Variants in ROCK1 observed in about 807,000 individuals in gnomAD.
ROCK1 encodes the protein Rho associated coiled-coil containing protein kinase 1, also known as rho-associated protein kinase 1.
A neutral mutation model predicts 196.8 loss-of-function variants in ROCK1; 36 were observed. The observed-to-expected ratio is 0.18, with a 90% confidence interval of 0.14 to 0.24. The LOEUF is 0.24. Ranked by LOEUF, ROCK1 falls within the 10% of genes least tolerant of loss-of-function variation. The pLI is 1.00. For missense variants in ROCK1, 920 were observed against 1,562.0 expected, an observed-to-expected ratio of 0.59 and a Z score of 6.93; for synonymous variants, 443 against 515.9, an observed-to-expected ratio of 0.86 and a Z score of 1.91.
rs190894404 is a variant in ROCK1, at chr18:20,973,523, C to T, written c.2655-3010G>A. Among the ~76,000 whole-genome samples the T allele has an allele frequency of 1.9e-3, 290 of 152,168 alleles. 1 individual carries two copies. Among genetic ancestry groups the T allele is most frequent in the African/African-American group, 6.5e-3 (271 of 41,530 alleles). On this transcript the variant is annotated intron_variant, in intron 22 of 32. Coordinates refer to ENST00000399799, the MANE Select transcript of ROCK1 (RefSeq NM_005406.3). The stretch of plus-strand genomic sequence containing the variant: ...GAACTCTTGACCCAAGTGATCCACC[C>T]ACCTGGGCCTCCCAAATTGCTGGGA...
chr18:21,076,420 C>G (rs776358033), intron 1 of ROCK1, among the ~76,000 whole-genome samples: 1 of 152,186 alleles, frequency 6.6e-6, no homozygotes, highest in Non-Finnish European at 1.5e-5. Context: ...AGGAGAATCA[C>G]TTGAACCCAG....
intron 1 of ROCK1, among the ~76,000 whole-genome samples, chr18:21,078,708 CT>C (rs2036457118): frequency 6.6e-6 from 1 of 152,156 alleles, no homozygotes; most frequent in Non-Finnish European, 1.5e-5. Flanking sequence ...TTAAAATGCC[CT>C]GACTGACCAC....
At chr18:21,024,753 C>T (rs1353353656) in intron 10 of ROCK1, among the ~76,000 whole-genome samples, 1 of 152,184 alleles carries the variant, frequency 6.6e-6, no homozygotes, top group Non-Finnish European at 1.5e-5. Flanking sequence ...TATGCCACTT[C>T]CTAGGTTTTC....
intron 1 of ROCK1, among the ~76,000 whole-genome samples, chr18:21,110,268 G>GT (rs2036739048): frequency 6.6e-6 from 1 of 152,078 alleles, no homozygotes; most frequent in South Asian, 2.1e-4. Context: ...AATTATCTTG[G>GT]TTTTTTACAA....
chr18:20,958,861 AAT>A lies in ROCK1; in HGVS notation c.3512+977_3512+978del, dbSNP rs1260909234. Among the ~76,000 whole-genome samples, 259 of 120,808 alleles carry A rather than the reference AAT, an allele frequency of 2.1e-3. 3 individuals carry two copies. The highest frequency in any genetic ancestry group is 2.6e-3 in the Non-Finnish European group (158 of 60,914). The allele number at this position is 120,808 out of a possible 152,430, so 79.3% of individuals were successfully genotyped here. A position where few individuals can be genotyped will look rare whatever the true frequency, so the allele number is the denominator to read the frequency against. The stretch of plus-strand genomic sequence containing the variant: ...AAATTTCTATTATTAATAGTTATAA[AAT>A]ATATATATTATATATATAAATATAT... On this transcript the variant is annotated intron_variant, in intron 29 of 32. Transcript: ENST00000399799.
chr18:21,049,545 A>C (rs2036187975), intron 3 of ROCK1, among the ~76,000 whole-genome samples: 1 of 152,236 alleles, frequency 6.6e-6, no homozygotes, highest in South Asian at 2.1e-4. Context: ...TATTAGGAGC[A>C]AAGATTTATC....
intron 9 of ROCK1, among the ~76,000 whole-genome samples, chr18:21,036,767 C>G (rs1001297281): frequency 1.3e-5 from 2 of 152,064 alleles, no homozygotes; most frequent in African/African-American, 4.8e-5. Flanking sequence ...ATAGAGCCAC[C>G]TGGCCCTATT....
intron 1 of ROCK1, among the ~76,000 whole-genome samples, chr18:21,101,603 C>G (rs1021913563): frequency 6.6e-6 from 1 of 152,128 alleles, no homozygotes; most frequent in Admixed American, 6.5e-5. Flanking sequence ...TACCACTGAC[C>G]TAGTTCCTTC....
intron 13 of ROCK1, among the ~76,000 whole-genome samples, chr18:21,011,865 G>A (rs1181889734): frequency 6.6e-6 from 1 of 152,030 alleles, no homozygotes; most frequent in Non-Finnish European, 1.5e-5. Flanking sequence ...TGCTTCAACT[G>A]CCTACTATAA....
chr18:20,998,233 A>G (rs2035689938), intron 16 of ROCK1, among the ~76,000 whole-genome samples: 1 of 152,196 alleles, frequency 6.6e-6, no homozygotes, highest in African/African-American at 2.4e-5. Flanking sequence ...GAAGAAAATT[A>G]AAATATTTCC....
chr18:21,088,408 G>A lies in ROCK1; in HGVS notation c.94-17795C>T, dbSNP rs1161769854. On this transcript the variant is annotated intron_variant, in intron 1 of 32. Transcript: ENST00000399799. ...CTACTCAGGAGAGGCTGAGGCAGAA[G>A]GATAGCCTGAGCCCCTGAAAGGTCA... Among the ~76,000 whole-genome samples the A allele has an allele frequency of 2.6e-5, 4 of 152,284 alleles. No homozygotes were observed. In the East Asian group the frequency reaches 5.8e-4, roughly 22 times the overall value.
chr18:21,038,095 A>G (rs145497882), intron 9 of ROCK1, among the ~76,000 whole-genome samples: 14 of 152,258 alleles, frequency 9.2e-5, no homozygotes, highest in African/African-American at 2.9e-4. Flanking sequence ...ATTTATAATA[A>G]TATTTGTACG....
intron 19 of ROCK1, among the ~76,000 whole-genome samples, chr18:20,984,930 T>C (rs561483568): frequency 3.3e-4 from 50 of 152,148 alleles, no homozygotes; most frequent in Middle Eastern, 6.8e-3. Context: ...CTGGTCAACA[T>C]GGTGAAACCC....
chr18:21,021,565 C>T (rs1396674132), intron 11 of ROCK1, among the ~76,000 whole-genome samples: 3 of 152,172 alleles, frequency 2.0e-5, no homozygotes, highest in Non-Finnish European at 4.4e-5. Flanking sequence ...AAGATATGGG[C>T]TGAAAATCAT....
chr18:21,042,730 A>G, intron 6 of ROCK1, 21 bp from the exon 7 acceptor site: 1 of 1,578,758 alleles, frequency 6.3e-7, no homozygotes, highest in Non-Finnish European at 8.6e-7. Flanking sequence ...CGGCAGGTCA[A>G]ATTTTGAATT....
At chr18:21,015,322 G>A in intron 13 of ROCK1, 109 bp downstream of exon 13, 1 of 763,758 alleles carries the variant, frequency 1.3e-6, no homozygotes, top group Non-Finnish European at 2.3e-6. Context: ...TCTCTGCTCT[G>A]TTTTGTGTTT....
intron 1 of ROCK1, among the ~76,000 whole-genome samples, chr18:21,101,673 G>A (rs796992806): frequency 1.3e-5 from 2 of 152,264 alleles, no homozygotes; most frequent in African/African-American, 4.8e-5. Context: ...TATATTAAGA[G>A]ACTTAAAAGA....
At chr18:21,102,906 T>C (rs544204395) in intron 1 of ROCK1, among the ~76,000 whole-genome samples, 1 of 151,008 alleles carries the variant, frequency 6.6e-6, no homozygotes, top group Admixed American at 6.6e-5. Flanking sequence ...TCTGAGAAAA[T>C]TTTCAATTTC....
At chr18:21,052,564 C>T (rs2036212360) in intron 2 of ROCK1, among the ~76,000 whole-genome samples, 1 of 152,074 alleles carries the variant, frequency 6.6e-6, no homozygotes. Flanking sequence ...CGGTTCATGG[C>T]CTATTAGGAA....
Sources: gnomAD v4.1 joint callset for allele counts (sites outside exome capture counted in the v4.1 genomes callset) on GRCh38, gnomAD v4.1.1 for gene constraint, MANE v1.5 for transcripts, NCBI Gene and HGNC (gene_info 2026-07-23, HGNC 2026-07-21) for gene names.